The following ZNF721 variants were observed in gnomAD, a reference collection of about 807,000 sequenced individuals.
ZNF721 encodes the protein zinc finger protein 721.
Under a neutral mutation model 2.4 loss-of-function variants are expected in ZNF721, and 2 were observed. The observed-to-expected ratio is 0.82, with a 90% CI of 0.34 to 2.58. The LOEUF is 2.58. Among genes scored for constraint, ZNF721 ranks in the 30% most tolerant of loss-of-function variants. The probability of loss-of-function intolerance (pLI) is 0.11; values close to 1 mark genes in which losing one functional copy is unlikely to be tolerated. For missense variants in ZNF721, 1,187 were observed against 1,085.5 expected (o/e 1.09, Z -1.31); for synonymous variants, 398 against 381.8 (o/e 1.04, Z -0.50).
intron 1 of ZNF721, among the ~76,000 whole-genome samples, chr4:473,537 C>T (rs1715529549): frequency 6.6e-6 from 1 of 152,072 alleles, no homozygotes; most frequent in African/African-American, 2.4e-5. Context: ...TTTTCAAGAC[C>T]CGCTGGCAGC....
At chr4:485,923 T>C (rs1553870251) in intron 1 of ZNF721, among the ~76,000 whole-genome samples, 2 of 151,982 alleles carry the variant, frequency 1.3e-5, no homozygotes, top group East Asian at 1.9e-4. Context: ...TGCAGTGAGC[T>C]GAGATTGTGC....
intron 2 of ZNF721, among the ~76,000 whole-genome samples, chr4:447,878 G>A (rs922897529): frequency 2.0e-5 from 3 of 152,194 alleles, no homozygotes; most frequent in South Asian, 2.1e-4. Flanking sequence ...TAATGTGTCT[G>A]TTTGTGTGTG....
rs371366882 is a variant in ZNF721 at position 442,317 on chromosome 4, C to T, written c.2150G>A (p.Arg717Lys). ...SRSRNLTTHR[R>K]VHTREKPYKC... ...GTAGGGTTTCTCCCTAGTGTGAACT[C>T]TCCTATGTGTAGTAAGGTTTCTTGA... Residue 717 changes from arginine to lysine, a missense_variant, in exon 3 of 3, where the codon AGA becomes AAA. By Grantham distance (26) the Arg-to-Lys change is conservative. Transcript: ENST00000511833. 1 of 1,613,738 alleles carries T rather than the reference C, an allele frequency of 6.2e-7. No individual in the cohort carries two copies. Among genetic ancestry groups the T allele is most frequent in the Non-Finnish European group, 8.5e-7 (1 of 1,179,770 alleles).
At chr4:453,697 C>CA (rs1465289793) in intron 2 of ZNF721, 2 of 152,206 alleles carry the variant, frequency 1.3e-5, no homozygotes, top group Admixed American at 1.3e-4. Context: ...GTCCAGCTGC[C>CA]AGAGGCCGCC....
chr4:493,552 A>T (rs192105528), intron 1 of ZNF721, among the ~76,000 whole-genome samples: 1 of 152,218 alleles, frequency 6.6e-6, no homozygotes, highest in Non-Finnish European at 1.5e-5. Context: ...GGTGGTGCAC[A>T]CCTATAGTCC....
intron 2 of ZNF721, among the ~76,000 whole-genome samples, chr4:458,033 G>A (rs1714898384): frequency 6.6e-6 from 1 of 152,210 alleles, no homozygotes; most frequent in Non-Finnish European, 1.5e-5. Flanking sequence ...CCTCTTAGCT[G>A]TGATCAAGGG....
chr4:444,584 T>C (rs537040416), intron 2 of ZNF721, among the ~76,000 whole-genome samples, 152 bp from the exon 3 acceptor site: 94 of 152,348 alleles, frequency 6.2e-4, no homozygotes, highest in Non-Finnish European at 8.7e-4. Flanking sequence ...AACAAACATA[T>C]GGTGATCAAA....
chr4:463,981 TC>T (rs1451977114), intron 2 of ZNF721, among the ~76,000 whole-genome samples: 3 of 152,074 alleles, frequency 2.0e-5, no homozygotes, highest in Non-Finnish European at 4.4e-5. Context: ...TTAAAAAATC[TC>T]GATAAGATGC....
intron 2 of ZNF721, chr4:454,151 C>T (rs1714762562): frequency 6.6e-6 from 1 of 152,220 alleles, no homozygotes; most frequent in African/African-American, 2.4e-5. Flanking sequence ...ATATTGCAGT[C>T]CCCTGGGGGG....
At chr4:492,601 A>T (rs1716050618) in intron 1 of ZNF721, among the ~76,000 whole-genome samples, 1 of 151,458 alleles carries the variant, frequency 6.6e-6, no homozygotes, top group South Asian at 2.1e-4. Context: ...TTGATCATAT[A>T]AAAGTTTTGG....
At position 442,161 on chromosome 4, in the gene ZNF721, T is replaced by G. The variant is rs1553863262; in HGVS notation, c.2306A>C (p.Asn769Thr). Residue 769 changes from asparagine to threonine, a missense_variant, in exon 3 of 3, where the codon AAT (asparagine) becomes ACT (threonine). By Grantham distance (65) the Asn-to-Thr change is moderately conservative. Coordinates refer to ENST00000511833, the MANE Select transcript of ZNF721 (RefSeq NM_133474.4). ...GKVFKQSSHLNRHEKIHTGKK... is the reference protein window; with the variant it reads ...GKVFKQSSHLTRHEKIHTGKK... ...TCCAGTATGAATTTTCTCATGTCTA[T>G]TCAGGTGTGAGGACTGTTTAAACAC... The G allele has an allele frequency of 1.9e-6, 3 of 1,613,184 alleles. No homozygotes were observed. The South Asian group carries it at 3.3e-5, about 18-fold the overall frequency.
At chr4:472,191 A>G (rs1715457826) in intron 2 of ZNF721, among the ~76,000 whole-genome samples, 1 of 152,176 alleles carries the variant, frequency 6.6e-6, no homozygotes, top group Non-Finnish European at 1.5e-5. Flanking sequence ...CCTCCCAAGT[A>G]GCTGGATTAC....
At position 441,982 on chromosome 4, in the gene ZNF721, T is replaced by G; in HGVS notation, c.2485A>C (p.Arg829=). Residue 829 remains arginine, a synonymous_variant, in exon 3 of 3, where the codon AGA becomes CGA. Transcript: ENST00000511833. ...TAGGGTTTCTCTCCAGTATGAATTC[T>G]CCTATGTTTAGTAAGGGTTGTGGAA... ...TSSTTLTKHR[R]IHTGEKPYTC... is the part of the protein sequence containing the mutation. 6.2e-7 allele frequency: 1 copy of G among 1,613,904 alleles called. No individual in the cohort carries two copies. The highest frequency in any genetic ancestry group is 8.5e-7 in the Non-Finnish European group (1 of 1,179,770).
In ZNF721 at chr4:441,722, A is replaced by G; in HGVS notation, c.2745T>C (p.His915=). ...SANLYAHKKI[H]TGDKTIQV ...ACACTTGTATGGTTTTATCTCCAGT[A>G]TGAATTTTCTTATGTGCATAAAGAT... is the stretch of plus-strand genomic sequence containing the variant. The change falls in exon 3 of 3, where the codon CAT becomes CAC. Residue 915 remains histidine, a synonymous_variant. Coordinates refer to ENST00000511833, the MANE Select transcript of ZNF721 (RefSeq NM_133474.4). 6.2e-7 allele frequency: 1 copy of G among 1,611,730 alleles called. No individual in the cohort carries two copies. The highest frequency in any genetic ancestry group is 2.2e-5 in the East Asian group (1 of 44,836).
In ZNF721 at chr4:462,501, T is replaced by G. The variant is rs140485618; in HGVS notation, c.34+10074A>C. Among the ~76,000 whole-genome samples the G allele has an allele frequency of 1.2e-3, 184 of 152,286 alleles. 5 individuals carry two copies. In the East Asian group the frequency reaches 0.035, roughly 29 times the overall value. ...GGCATCAAGATACCTGACTTCAAAC[T>G]ATACTACAAGGCTACAGGAACCAAA... On this transcript the variant is annotated intron_variant, in intron 2 of 2. Coordinates refer to ENST00000511833, the MANE Select transcript of ZNF721 (RefSeq NM_133474.4).
chr4:492,172 A>AAAC (rs1560246055), intron 1 of ZNF721, among the ~76,000 whole-genome samples: 117 of 143,972 alleles, frequency 8.1e-4, no homozygotes, highest in Middle Eastern at 7.0e-3. Context: ...CAAAAAAAAA[A>AAAC]AAACAAACAA....
intron 1 of ZNF721, among the ~76,000 whole-genome samples, chr4:495,028 G>A (rs1716114129): frequency 6.6e-6 from 1 of 151,722 alleles, no homozygotes; most frequent in South Asian, 2.1e-4. Flanking sequence ...GACTACAGGC[G>A]CCGGCCACCA....
intron 1 of ZNF721, among the ~76,000 whole-genome samples, chr4:487,102 G>A (rs1553870560): frequency 6.6e-6 from 1 of 152,172 alleles, no homozygotes; most frequent in Non-Finnish European, 1.5e-5. Context: ...GAAAAGTCAT[G>A]ATAAAATTGA....
Position 445,839 on chromosome 4 carries a change from A to G in ZNF721, c.35-1407T>C, listed in dbSNP as rs1159031381. On this transcript the variant is annotated intron_variant, in intron 2 of 2. Coordinates refer to ENST00000511833, the MANE Select transcript of ZNF721 (RefSeq NM_133474.4). The stretch of plus-strand genomic sequence containing the variant: ...GAGCAAAGTTTGAAAAATCAAACAC[A>G]AGAAGGGCATTTTAGGAACTACAAA... 4.6e-5 allele frequency among the ~76,000 whole-genome samples: 7 copies of G among 152,228 alleles called. No individual in the cohort carries two copies. The South Asian group carries it at 1.4e-3, about 31-fold the overall frequency.
Sources: gnomAD v4.1 joint callset for allele counts (sites outside exome capture counted in the v4.1 genomes callset) on GRCh38, gnomAD v4.1.1 for gene constraint, MANE v1.5 for transcripts, NCBI Gene and HGNC (gene_info 2026-07-23, HGNC 2026-07-21) for gene names.